Variants in TMEM132B observed in about 807,000 individuals in gnomAD.
TMEM132B encodes the protein transmembrane protein 132B.
A neutral mutation model predicts 90.8 loss-of-function variants in TMEM132B; 18 were observed. The observed-to-expected ratio is 0.20, with a 90% confidence interval of 0.14 to 0.29. TMEM132B has a LOEUF of 0.29. Ranked by LOEUF, TMEM132B falls within the 10% of genes least tolerant of loss-of-function variation. TMEM132B has a pLI of 1.00. For missense variants in TMEM132B, 1,096 were observed against 1,326.8 expected (o/e 0.83, Z 2.70); for synonymous variants, 504 against 523.3 (o/e 0.96, Z 0.50).
At chr12:125,360,387 G>A (rs1877922267) in intron 2 of TMEM132B, among the ~76,000 whole-genome samples, 1 of 152,186 alleles carries the variant, frequency 6.6e-6, no homozygotes, top group South Asian at 2.1e-4. Context: ...GCTCCTAGAC[G>A]ATGGTCTACA....
chr12:125,294,887 CA>C (rs1324286390), intron 1 of TMEM132B, among the ~76,000 whole-genome samples: 1 of 136,364 alleles, frequency 7.3e-6, no homozygotes, highest in Non-Finnish European at 1.6e-5. Context: ...TGCTAAGTGG[CA>C]GAAAAAATGC....
chr12:125,194,173 T>TA (rs1016200413), intron 1 of TMEM132B, among the ~76,000 whole-genome samples: 3 of 151,900 alleles, frequency 2.0e-5, no homozygotes, highest in Non-Finnish European at 4.4e-5. Flanking sequence ...AATAGTTACA[T>TA]AAAAAATCAA....
At chr12:125,447,518 A>G (rs1445278591) in intron 3 of TMEM132B, among the ~76,000 whole-genome samples, 3 of 152,288 alleles carry the variant, frequency 2.0e-5, no homozygotes, top group African/African-American at 7.2e-5. Context: ...GTAGGTTAAT[A>G]TTCTTTTTCT....
chr12:125,203,016 C>A (rs1429147031), intron 1 of TMEM132B, among the ~76,000 whole-genome samples: 1 of 152,224 alleles, frequency 6.6e-6, no homozygotes, highest in African/African-American at 2.4e-5. Context: ...CGTTGCCTGG[C>A]ACTGTCTTCT....
intron 1 of TMEM132B, among the ~76,000 whole-genome samples, chr12:125,233,911 T>C (rs574318306): frequency 1.3e-5 from 2 of 152,340 alleles, no homozygotes; most frequent in South Asian, 2.1e-4. Flanking sequence ...AGCAGCCGTT[T>C]CATGAGCGCT....
At position 125,650,755 on chromosome 12, in the gene TMEM132B, C is replaced by T. The variant is rs532155301; in HGVS notation, c.1716C>T (p.His572=). Reference sequence around the variant, plus strand: ...GAGGCTGCTCCCTGCAGTACCAGCACGCCACAGTGCGTGTCCTCACCCAGT... The same window carrying T: ...GAGGCTGCTCCCTGCAGTACCAGCATGCCACAGTGCGTGTCCTCACCCAGT... ...KGRGCSLQYQ[H]ATVRVLTQFV... The change falls in exon 7 of 9, where the codon CAC becomes CAT. Residue 572 remains histidine (H), a synonymous_variant. Transcript: ENST00000682704. The T allele has an allele frequency of 4.7e-5, 76 of 1,614,238 alleles. No homozygotes were observed. Among genetic ancestry groups the T allele is most frequent in the Admixed American group, 1.0e-4 (6 of 60,030 alleles).
intron 3 of TMEM132B, among the ~76,000 whole-genome samples, chr12:125,474,853 C>T (rs1881828921): frequency 6.6e-6 from 1 of 152,252 alleles, no homozygotes; most frequent in African/African-American, 2.4e-5. Flanking sequence ...TCCCCTGCGC[C>T]TGGCAGAGGG....
chr12:125,565,352 A>G (rs949857672), intron 4 of TMEM132B, among the ~76,000 whole-genome samples: 6 of 152,228 alleles, frequency 3.9e-5, no homozygotes, highest in Admixed American at 2.6e-4. Flanking sequence ...AGCTGGGGCA[A>G]GTGCCTCTGG....
intron 1 of TMEM132B, among the ~76,000 whole-genome samples, chr12:125,336,676 G>T (rs1183848288): frequency 2.0e-5 from 3 of 152,178 alleles, no homozygotes; most frequent in Admixed American, 6.5e-5. Flanking sequence ...CACGCCACTG[G>T]GTTACCTCAT....
intron 1 of TMEM132B, among the ~76,000 whole-genome samples, chr12:125,215,832 G>C (rs1222352533): frequency 6.6e-6 from 1 of 152,216 alleles, no homozygotes; most frequent in Admixed American, 6.5e-5. Context: ...GTGAGCCACT[G>C]CACTGGCCCT....
intron 1 of TMEM132B, among the ~76,000 whole-genome samples, chr12:125,313,710 A>G (rs561914741): frequency 3.2e-5 from 1 of 31,498 alleles, no homozygotes; most frequent in East Asian, 1.2e-3. Flanking sequence ...CCCTCCCTCC[A>G]TTGGTTTGGG....
chr12:125,321,995 TATA>T (rs1222526132), intron 1 of TMEM132B, among the ~76,000 whole-genome samples: 2 of 152,170 alleles, frequency 1.3e-5, no homozygotes, highest in Admixed American at 1.3e-4. Context: ...TACTGATAAA[TATA>T]ATAACATGGG....
intron 1 of TMEM132B, among the ~76,000 whole-genome samples, chr12:125,302,661 A>G (rs1481029555): frequency 6.6e-6 from 1 of 152,180 alleles, no homozygotes; most frequent in Non-Finnish European, 1.5e-5. Context: ...CTTCTTTAAA[A>G]TTTATTTTTG....
At chr12:125,529,553 C>G (rs548478903) in intron 4 of TMEM132B, among the ~76,000 whole-genome samples, 2 of 152,300 alleles carry the variant, frequency 1.3e-5, no homozygotes, top group Admixed American at 6.5e-5. Context: ...TGTGCTCACT[C>G]ACTTTGCTGG....
chr12:125,324,491 C>T (rs998852735), intron 1 of TMEM132B, among the ~76,000 whole-genome samples: 2 of 152,182 alleles, frequency 1.3e-5, no homozygotes, highest in African/African-American at 2.4e-5. Context: ...CTCCCTAGAG[C>T]AGGGTTCCCC....
At chr12:125,585,605 A>G (rs1046825830) in intron 5 of TMEM132B, 1 of 152,144 alleles carries the variant, frequency 6.6e-6, no homozygotes, top group African/African-American at 2.4e-5. Flanking sequence ...ATGAAGCCCC[A>G]TGGGGTGGAA....
rs1226366602 is a variant in TMEM132B, at chr12:125,213,152, A to G, written c.67+26286A>G. On this transcript the variant is annotated intron_variant, in intron 1 of 8. Coordinates refer to ENST00000682704, the MANE Select transcript of TMEM132B (RefSeq NM_001366854.1). This position sits in a 1 kb window ranked among gnomAD's most constrained non-coding sequence, Gnocchi z 4.2. ...TGGATGTGCTGGTTCTGGCTATTTA[A>G]TACAAATGCAGTCTTAAAATATGCA... Among the ~76,000 whole-genome samples, 1 of 152,230 alleles carries G rather than the reference A, an allele frequency of 6.6e-6. No homozygotes were observed. The highest frequency in any genetic ancestry group is 1.5e-5 in the Non-Finnish European group (1 of 68,034).
At chr12:125,344,202 T>A (rs1483693913) in intron 1 of TMEM132B, among the ~76,000 whole-genome samples, 1 of 151,936 alleles carries the variant, frequency 6.6e-6, no homozygotes, top group Non-Finnish European at 1.5e-5. Context: ...CAGGATGGAG[T>A]GATGAGTGAC....
At chr12:125,348,130 C>A (rs1193366631) in intron 1 of TMEM132B, among the ~76,000 whole-genome samples, 1 of 151,740 alleles carries the variant, frequency 6.6e-6, no homozygotes, top group Non-Finnish European at 1.5e-5. Context: ...GTTTTTTTAT[C>A]CTTAATGTCA....
Sources: gnomAD v4.1 joint callset for allele counts (sites outside exome capture counted in the v4.1 genomes callset) on GRCh38, gnomAD v4.1.1 for gene constraint, Gnocchi (gnomAD v3.1) non-coding constraint, MANE v1.5 for transcripts, NCBI Gene and HGNC (gene_info 2026-07-23, HGNC 2026-07-21) for gene names.